The following NCAPG2 variants were observed in gnomAD, a reference collection of about 807,000 sequenced individuals.
The protein encoded by NCAPG2 is condensin-2 complex subunit G2.
NCAPG2 carries 53 observed loss-of-function variants against 141.1 expected under a neutral mutation model. That is an observed-to-expected ratio of 0.38 (90% CI 0.30 to 0.47). The LOEUF (loss-of-function observed/expected upper bound fraction) is 0.47. Among genes scored for constraint, NCAPG2 ranks in the 20% least tolerant of loss-of-function variants. The pLI, the probability that NCAPG2 is intolerant of heterozygous loss-of-function variation, is 0.99. For missense variants in NCAPG2, 1,087 were observed against 1,389.0 expected (o/e 0.78, Z 3.46); for synonymous variants, 499 against 490.7 (o/e 1.02, Z -0.22).
chr7:158,693,133 A>T (rs1286187535), intron 3 of NCAPG2, among the ~76,000 whole-genome samples, 176 bp downstream of exon 3: 2 of 152,244 alleles, frequency 1.3e-5, no homozygotes, highest in Non-Finnish European at 1.5e-5. Context: ...ATTTAGTATT[A>T]GATTAATAAC....
intron 27 of NCAPG2, among the ~76,000 whole-genome samples, chr7:158,639,210 T>A (rs749959): frequency 1.3e-5 from 2 of 151,784 alleles, no homozygotes; most frequent in African/African-American, 4.8e-5. Context: ...TGGGCTCAAG[T>A]GATCCTCCCA....
chr7:158,637,465 G>A (rs1264328501), intron 27 of NCAPG2, among the ~76,000 whole-genome samples: 1 of 2,784 alleles, frequency 3.6e-4, no homozygotes, highest in Non-Finnish European at 7.9e-4. Flanking sequence ...TTCTCCAGCA[G>A]ACTCTGACAG....
At chr7:158,640,561 G>A (rs1337731318) in intron 27 of NCAPG2, 1 of 151,976 alleles carries the variant, frequency 6.6e-6, no homozygotes, top group Admixed American at 6.6e-5. Flanking sequence ...ATTAAATAAA[G>A]TACAGAGAGA....
intron 27 of NCAPG2, among the ~76,000 whole-genome samples, chr7:158,641,813 G>T (rs934794136): frequency 6.6e-6 from 1 of 152,190 alleles, no homozygotes; most frequent in South Asian, 2.1e-4. Context: ...AGTTATTATA[G>T]TTGGAGACTA....
At position 158,667,331 on chromosome 7, in the gene NCAPG2, T is replaced by TCCTTACCCACA. The variant is rs1554560398; in HGVS notation, c.1480-2582_1480-2581insTGTGGGTAAGG. 2 of 97,118 alleles carry TCCTTACCCACA rather than the reference T, an allele frequency of 2.1e-5. 1 individual carries two copies. The highest frequency in any genetic ancestry group is 2.4e-5 in the Non-Finnish European group (2 of 84,534). The allele number at this position is 97,118 out of a possible 1,614,324, so 6.0% of individuals were successfully genotyped here. On this transcript the variant is annotated intron_variant, in intron 13 of 27. Transcript: ENST00000356309. ...CTTAGCCGCTACTGTGTCCCTCCGC[T>TCCTTACCCACA]ACTGTGTCCCTCCGCTCCTTAGCCA...
At chr7:158,689,530 G>A (rs1053516683) in intron 6 of NCAPG2, among the ~76,000 whole-genome samples, 1 of 152,242 alleles carries the variant, frequency 6.6e-6, no homozygotes, top group African/African-American at 2.4e-5. Context: ...CTCATTCATA[G>A]AGAAGTGCTT....
intron 19 of NCAPG2, 32 bp from the exon 20 acceptor site, chr7:158,655,487 T>C: frequency 6.4e-7 from 1 of 1,570,198 alleles, no homozygotes. Flanking sequence ...GGCCACATGC[T>C]GACTGACAAG....
intron 8 of NCAPG2, among the ~76,000 whole-genome samples, chr7:158,685,303 T>A (rs976969095): frequency 8.5e-5 from 13 of 152,102 alleles, no homozygotes; most frequent in Admixed American, 8.5e-4. Context: ...CTAAAAGAGG[T>A]GACTTGAAGT....
At chr7:158,689,981 CT>C in intron 5 of NCAPG2, 28 bp from the exon 6 acceptor site, 2 of 1,476,904 alleles carry the variant, frequency 1.4e-6, no homozygotes, top group Non-Finnish European at 1.8e-6. Flanking sequence ...AATGTGATAC[CT>C]TTTTCAATGA....
intron 27 of NCAPG2, among the ~76,000 whole-genome samples, chr7:158,639,474 T>C (rs1437748687): frequency 6.6e-6 from 1 of 152,222 alleles, no homozygotes; most frequent in Non-Finnish European, 1.5e-5. Flanking sequence ...TCCATATGTA[T>C]ATCTCAATGA....
At chr7:158,654,913 C>T (rs1831785716) in intron 21 of NCAPG2, 1 of 1,116,786 alleles carries the variant, frequency 9.0e-7, no homozygotes, top group South Asian at 1.8e-5. Context: ...AATCGAACAC[C>T]TCTTATATGT....
At position 158,687,329 on chromosome 7, in the gene NCAPG2, CA is replaced by C; in HGVS notation, c.767+18del. 7 of 1,552,410 alleles carry C rather than the reference CA, an allele frequency of 4.5e-6. No homozygotes were observed. The highest frequency in any genetic ancestry group is 6.2e-6 in the Non-Finnish European group (7 of 1,134,944). ...CCAGATTAAGACAGCACAAAATCTT[CA>C]GTACTTTTAACACTTACTTTTGTAA... On this transcript the variant is annotated intron_variant, in intron 7 of 27. Coordinates refer to ENST00000356309, the MANE Select transcript of NCAPG2 (RefSeq NM_017760.7).
intron 1 of NCAPG2, 133 bp from the exon 2 acceptor site, chr7:158,702,071 C>G (rs1835835512): frequency 3.6e-6 from 2 of 555,372 alleles, no homozygotes; most frequent in Non-Finnish European, 6.2e-6. Context: ...TAAAAACATT[C>G]TGACATAAAA....
At chr7:158,639,800 A>G (rs1277182225) in intron 27 of NCAPG2, 1 of 956,850 alleles carries the variant, frequency 1.0e-6, no homozygotes, top group Non-Finnish European at 1.2e-6. Context: ...CTACAAAACA[A>G]AACAACCAAC....
chr7:158,654,097 C>T (rs1208671273), intron 22 of NCAPG2, among the ~76,000 whole-genome samples: 1 of 152,192 alleles, frequency 6.6e-6, no homozygotes, highest in Non-Finnish European at 1.5e-5. Flanking sequence ...CACCCTTTCC[C>T]GTCATCATCT....
At chr7:158,697,243 G>A (rs1005893524) in intron 2 of NCAPG2, among the ~76,000 whole-genome samples, 2 of 152,192 alleles carry the variant, frequency 1.3e-5, no homozygotes, top group African/African-American at 4.8e-5. Flanking sequence ...TGATGATCCT[G>A]ACTTGGTACA....
chr7:158,700,646 C>T (rs1274454059), intron 2 of NCAPG2, among the ~76,000 whole-genome samples: 1 of 152,188 alleles, frequency 6.6e-6, no homozygotes, highest in South Asian at 2.1e-4. Flanking sequence ...TTTAAGTTTA[C>T]AGGATATCAT....
At chr7:158,646,123 C>T (rs1830998193) in intron 25 of NCAPG2, among the ~76,000 whole-genome samples, 1 of 152,130 alleles carries the variant, frequency 6.6e-6, no homozygotes, top group African/African-American at 2.4e-5. Context: ...GGTATTTAAC[C>T]TTGTCAAGTG....
At chr7:158,652,266 A>T in intron 23 of NCAPG2, 27 bp downstream of exon 23, 1 of 1,601,864 alleles carries the variant, frequency 6.2e-7, no homozygotes, top group Non-Finnish European at 8.5e-7. Context: ...CCATCTAGCG[A>T]ACCCCGTCCT....
Sources: allele counts gnomAD v4.1 joint callset (sites outside exome capture counted in the v4.1 genomes callset), GRCh38; gene constraint gnomAD v4.1.1; transcripts MANE v1.5; gene names NCBI Gene and HGNC (gene_info 2026-07-23, HGNC 2026-07-21).